Variants in SLC24A3 observed in about 807,000 individuals in gnomAD.
The protein encoded by SLC24A3 is solute carrier family 24 member 3, also known as sodium/potassium/calcium exchanger 3.
A neutral mutation model predicts 75.8 loss-of-function variants in SLC24A3; 28 were observed. The observed-to-expected ratio is 0.37, with a 90% CI of 0.27 to 0.51. SLC24A3 has a LOEUF of 0.51. Ranked by LOEUF, SLC24A3 falls within the 20% of genes least tolerant of loss-of-function variation. The pLI, the probability that SLC24A3 is intolerant of heterozygous loss-of-function variation, is 0.94. For synonymous variants in SLC24A3, 372 were observed against 334.1 expected, an observed-to-expected ratio of 1.11 and a Z score of -1.24; for missense variants, 663 against 847.8, an observed-to-expected ratio of 0.78 and a Z score of 2.71.
chr20:19,294,067 GC>G (rs1399834785), intron 2 of SLC24A3, among the ~76,000 whole-genome samples: 6 of 151,872 alleles, frequency 4.0e-5, no homozygotes, highest in Non-Finnish European at 5.9e-5. Flanking sequence ...CTAATACAAT[GC>G]CTATACATCA....
intron 6 of SLC24A3, among the ~76,000 whole-genome samples, chr20:19,589,186 A>C (rs1326671500): frequency 6.6e-6 from 1 of 152,250 alleles, no homozygotes; most frequent in Non-Finnish European, 1.5e-5. Flanking sequence ...ACAGTGTGGA[A>C]GGAAGGCAAG....
At chr20:19,383,600 A>C (rs1258949639) in intron 2 of SLC24A3, among the ~76,000 whole-genome samples, 1 of 152,098 alleles carries the variant, frequency 6.6e-6, no homozygotes, top group Non-Finnish European at 1.5e-5. Flanking sequence ...TCAGCCTCTT[A>C]ATTGCCATGG....
At chr20:19,645,247 T>C (rs2032123216) in intron 6 of SLC24A3, among the ~76,000 whole-genome samples, 1 of 152,220 alleles carries the variant, frequency 6.6e-6, no homozygotes, top group South Asian at 2.1e-4. Context: ...CACACTATTC[T>C]GCAAAGGGAT....
chr20:19,262,146 G>C (rs1983009398), intron 1 of SLC24A3, among the ~76,000 whole-genome samples: 1 of 152,292 alleles, frequency 6.6e-6, no homozygotes, highest in Non-Finnish European at 1.5e-5. Context: ...GCTCACGCCT[G>C]TAATCCCAGC....
At chr20:19,290,607 T>C (rs1345053800) in intron 2 of SLC24A3, among the ~76,000 whole-genome samples, 2 of 152,152 alleles carry the variant, frequency 1.3e-5, no homozygotes, top group Non-Finnish European at 2.9e-5. Context: ...CTTCCCAGCC[T>C]TCAGAGCTGT....
At chr20:19,499,774 A>G (rs1429326769) in intron 2 of SLC24A3, among the ~76,000 whole-genome samples, 2 of 152,210 alleles carry the variant, frequency 1.3e-5, no homozygotes, top group Non-Finnish European at 2.9e-5. Flanking sequence ...ATATGCACAC[A>G]CACATACATG....
chr20:19,409,100 T>C (rs1286765794), intron 2 of SLC24A3, among the ~76,000 whole-genome samples: 1 of 151,938 alleles, frequency 6.6e-6, no homozygotes, highest in East Asian at 1.9e-4. Context: ...TGTTACTGAG[T>C]TGATTGGTGA....
At chr20:19,563,484 C>CT (rs137991426) in intron 3 of SLC24A3, among the ~76,000 whole-genome samples, 6,827 of 152,218 alleles carry the variant, frequency 0.045, 179 homozygotes, top group East Asian at 0.087. Context: ...TAGTAAGAGG[C>CT]TTATTTCTAT....
chr20:19,249,956 G>T (rs1982601679), intron 1 of SLC24A3, among the ~76,000 whole-genome samples: 1 of 152,172 alleles, frequency 6.6e-6, no homozygotes, highest in Non-Finnish European at 1.5e-5. Flanking sequence ...GTTGTTCTTT[G>T]GAGGAGTCTT....
chr20:19,261,397 T>C (rs1024570092), intron 1 of SLC24A3, among the ~76,000 whole-genome samples: 1 of 152,162 alleles, frequency 6.6e-6, no homozygotes, highest in Non-Finnish European at 1.5e-5. Flanking sequence ...AGTGCAGTGG[T>C]GTGGCATGAT....
At chr20:19,413,956 G>A (rs1568611777) in intron 2 of SLC24A3, among the ~76,000 whole-genome samples, 1 of 152,106 alleles carries the variant, frequency 6.6e-6, no homozygotes, top group African/African-American at 2.4e-5. Context: ...TATAAAGAAT[G>A]CATACAAATC....
In SLC24A3 at chr20:19,721,245, C is replaced by T. The variant is rs1369130994; in HGVS notation, c.*105C>T. 8.4e-6 allele frequency: 12 copies of T among 1,431,468 alleles called. No homozygotes were observed. The highest frequency in any genetic ancestry group is 1.4e-5 in the African/African-American group (1 of 70,838). The allele number at this position is 1,431,468 out of a possible 1,614,324, so 88.7% of individuals were successfully genotyped here. On this transcript the variant is annotated 3_prime_UTR_variant, in exon 17 of 17. Coordinates refer to ENST00000328041, the MANE Select transcript of SLC24A3 (RefSeq NM_020689.4). ...CCCCGGGGCCACGGCGTTCGTCTCT[C>T]CTGTGCTGTCCTCAGGCCTCCGCTC... is the stretch of plus-strand genomic sequence containing the variant.
chr20:19,598,124 A>AT (rs958284096), intron 6 of SLC24A3, among the ~76,000 whole-genome samples: 33 of 152,236 alleles, frequency 2.2e-4, no homozygotes, highest in Middle Eastern at 6.8e-3. Context: ...TGTTTTTGGG[A>AT]TTTTTTTAAT....
intron 2 of SLC24A3, among the ~76,000 whole-genome samples, chr20:19,439,525 G>A (rs571288082): frequency 1.0e-3 from 152 of 152,266 alleles, no homozygotes; most frequent in Non-Finnish European, 1.4e-3. Context: ...TATATCCCAT[G>A]TAACTCCATA....
rs149604320 is a variant in SLC24A3, at chr20:19,688,921, T to G, written c.1324+3560T>G. ...TGCATGTATAATATATGTGCAGATATTAACATATTTATGTTTATATATGTA... is the reference window on the plus strand; with the variant it reads ...TGCATGTATAATATATGTGCAGATAGTAACATATTTATGTTTATATATGTA... On this transcript the variant is annotated intron_variant, in intron 12 of 16. Transcript: ENST00000328041. Among the ~76,000 whole-genome samples the G allele has an allele frequency of 3.5e-3, 529 of 152,292 alleles. 5 individuals are homozygous for G. The highest frequency in any genetic ancestry group is 0.012 in the African/African-American group (489 of 41,552).
intron 2 of SLC24A3, among the ~76,000 whole-genome samples, chr20:19,356,634 A>G (rs1420314929): frequency 6.6e-6 from 1 of 151,974 alleles, no homozygotes; most frequent in Non-Finnish European, 1.5e-5. Flanking sequence ...ACATGACAGT[A>G]CTCCACAGAA....
chr20:19,324,864 T>C (rs1984801410), intron 2 of SLC24A3, among the ~76,000 whole-genome samples: 2 of 152,184 alleles, frequency 1.3e-5, no homozygotes, highest in Non-Finnish European at 2.9e-5. Flanking sequence ...TTTTCTTTTC[T>C]TTTTTTCTCT....
intron 2 of SLC24A3, among the ~76,000 whole-genome samples, chr20:19,412,613 A>AGAGGAG (rs143215211): frequency 1.3e-5 from 2 of 148,712 alleles, no homozygotes; most frequent in Non-Finnish European, 3.0e-5. Context: ...AGGAGGAGCA[A>AGAGGAG]GAGGAGGAGG....
At chr20:19,623,562 C>G (rs1402700526) in intron 6 of SLC24A3, among the ~76,000 whole-genome samples, 1 of 152,136 alleles carries the variant, frequency 6.6e-6, no homozygotes, top group African/African-American at 2.4e-5. Context: ...CACATATGGC[C>G]ACCCAAACTT....
Sources: allele counts gnomAD v4.1 joint callset (sites outside exome capture counted in the v4.1 genomes callset), GRCh38; gene constraint gnomAD v4.1.1; transcripts MANE v1.5; gene names NCBI Gene and HGNC (gene_info 2026-07-23, HGNC 2026-07-21).